The following ARFGEF2 variants were observed in gnomAD, a reference collection of about 807,000 sequenced individuals.
ARFGEF2 encodes the protein brefeldin A-inhibited guanine nucleotide-exchange protein 2.
Under a neutral mutation model 219.9 loss-of-function variants are expected in ARFGEF2, and 74 were observed. The ratio of observed to expected loss-of-function variants is 0.34; its 90% CI spans 0.28 to 0.41. The LOEUF (loss-of-function observed/expected upper bound fraction) is 0.41. Among genes scored for constraint, ARFGEF2 ranks in the 10% least tolerant of loss-of-function variants. The pLI is 1.00. For synonymous variants in ARFGEF2, 733 were observed against 799.2 expected (o/e 0.92, Z 1.40); for missense variants, 1,743 against 2,218.3 (o/e 0.79, Z 4.30).
chr20:48,981,781 G>C (rs974826122), intron 14 of ARFGEF2, among the ~76,000 whole-genome samples: 1 of 152,064 alleles, frequency 6.6e-6, no homozygotes, highest in African/African-American at 2.4e-5. Context: ...ATCTGCTATT[G>C]AAGCTTGTGC....
intron 1 of ARFGEF2, among the ~76,000 whole-genome samples, chr20:48,930,346 G>T (rs1370224057): frequency 6.6e-6 from 1 of 152,244 alleles, no homozygotes; most frequent in Non-Finnish European, 1.5e-5. Flanking sequence ...TTGCAGCAGA[G>T]TTTTGGTAGG....
intron 6 of ARFGEF2, among the ~76,000 whole-genome samples, chr20:48,963,243 T>C (rs7264180): frequency 0.37 from 56,169 of 151,062 alleles, 11,266 homozygotes; most frequent in African/African-American, 0.54. Context: ...ACGTAAGCTC[T>C]TTCCCAGAGC....
At chr20:48,973,468 C>A (rs2091241082) in intron 12 of ARFGEF2, among the ~76,000 whole-genome samples, 184 bp downstream of exon 12, 1 of 152,112 alleles carries the variant, frequency 6.6e-6, no homozygotes, top group Non-Finnish European at 1.5e-5. Flanking sequence ...ATCATAGGGG[C>A]TGCAGAGAAA....
chr20:48,995,980 T>A, intron 23 of ARFGEF2, 98 bp downstream of exon 23: 1 of 1,115,220 alleles, frequency 9.0e-7, no homozygotes, highest in African/African-American at 1.5e-5. Flanking sequence ...CTTTAACTGA[T>A]ACAAGTGTTG....
chr20:49,013,513 C>T (rs765367675), intron 28 of ARFGEF2, 51 bp from the exon 29 acceptor site: 1 of 1,612,902 alleles, frequency 6.2e-7, no homozygotes, highest in East Asian at 2.2e-5. Flanking sequence ...CCTTTCAGTT[C>T]CTTCCTTTTG....
chr20:48,968,146 A>G (rs2091200876), intron 8 of ARFGEF2, among the ~76,000 whole-genome samples: 1 of 151,712 alleles, frequency 6.6e-6, no homozygotes, highest in Admixed American at 6.6e-5. Context: ...GGTGCCCACC[A>G]CCACGCCTGG....
intron 1 of ARFGEF2, among the ~76,000 whole-genome samples, chr20:48,930,272 G>A (rs967678194): frequency 3.9e-5 from 6 of 152,180 alleles, no homozygotes; most frequent in Non-Finnish European, 5.9e-5. Context: ...CATGAGGGCA[G>A]AGCCCTCGTG....
At chr20:49,031,547 AT>A (rs1395939481) in intron 37 of ARFGEF2, among the ~76,000 whole-genome samples, 1 of 152,016 alleles carries the variant, frequency 6.6e-6, no homozygotes. Context: ...TTTTATCTCC[AT>A]TTTATAGCTG....
chr20:48,967,759 C>A (rs928882576), intron 8 of ARFGEF2, among the ~76,000 whole-genome samples: 1 of 152,178 alleles, frequency 6.6e-6, no homozygotes, highest in African/African-American at 2.4e-5. Context: ...TTTTCCCATT[C>A]CCTCATTAAA....
At chr20:48,995,060 A>C (rs1031077491) in intron 22 of ARFGEF2, among the ~76,000 whole-genome samples, 8 of 152,202 alleles carry the variant, frequency 5.3e-5, no homozygotes, top group African/African-American at 1.9e-4. Flanking sequence ...CATGGTAATA[A>C]TAGTAAATAG....
intron 15 of ARFGEF2, 125 bp downstream of exon 15, chr20:48,984,965 A>G (rs1284268299): frequency 6.5e-7 from 1 of 1,530,380 alleles, no homozygotes; most frequent in Non-Finnish European, 8.8e-7. Flanking sequence ...CGGGTTATAC[A>G]TTGTCTATTG....
Position 49,003,996 on chromosome 20 carries a change from A to G in ARFGEF2, c.3433-1074A>G, listed in dbSNP as rs138750326. Among the ~76,000 whole-genome samples the G allele has an allele frequency of 6.9e-3, 1,052 of 152,272 alleles. 14 individuals carry two copies. Among genetic ancestry groups the G allele is most frequent in the African/African-American group, 0.023 (965 of 41,542 alleles). Reference sequence around the variant, plus strand: ...TAAAGGCTTTTGACCCTTCATATATATATATTTGGAGAAAATTAAATAGCA... The same window carrying G: ...TAAAGGCTTTTGACCCTTCATATATGTATATTTGGAGAAAATTAAATAGCA... On this transcript the variant is annotated intron_variant, in intron 25 of 38. Transcript: ENST00000371917.
At chr20:48,974,265 A>G (rs1188000675) in intron 12 of ARFGEF2, among the ~76,000 whole-genome samples, 1 of 151,414 alleles carries the variant, frequency 6.6e-6, no homozygotes, top group African/African-American at 2.4e-5. Flanking sequence ...GGCAGGGATT[A>G]CAGGTGCCTG....
chr20:48,923,212 A>C (rs1032979997), intron 1 of ARFGEF2, among the ~76,000 whole-genome samples: 3 of 152,180 alleles, frequency 2.0e-5, no homozygotes, highest in Non-Finnish European at 4.4e-5. Context: ...CACTGCCCCA[A>C]CGTCTTTGGT....
intron 12 of ARFGEF2, 83 bp from the exon 13 acceptor site, chr20:48,974,683 A>G (rs933371411): frequency 5.7e-6 from 6 of 1,054,774 alleles, no homozygotes; most frequent in East Asian, 2.6e-5. Flanking sequence ...TCTTAGCCTC[A>G]CTGGGGTCCC....
At chr20:48,995,737 C>T in intron 22 of ARFGEF2, 46 bp from the exon 23 acceptor site, 2 of 1,524,370 alleles carry the variant, frequency 1.3e-6, no homozygotes, top group Non-Finnish European at 1.8e-6. Context: ...GTTCTAAATA[C>T]TTGACTGTTT....
chr20:48,997,280 T>TGATC (rs2091397733), intron 23 of ARFGEF2, among the ~76,000 whole-genome samples: 1 of 152,054 alleles, frequency 6.6e-6, no homozygotes, highest in South Asian at 2.1e-4. Flanking sequence ...ATTGATTGAT[T>TGATC]GATTGATTGA....
chr20:48,977,074 C>G (rs2091266845), intron 14 of ARFGEF2, among the ~76,000 whole-genome samples: 1 of 151,874 alleles, frequency 6.6e-6, no homozygotes, highest in Non-Finnish European at 1.5e-5. Context: ...GTTTGCTGCA[C>G]CCATTAACTC....
chr20:48,961,181 A>G (rs896530617), intron 6 of ARFGEF2, among the ~76,000 whole-genome samples: 14 of 151,326 alleles, frequency 9.3e-5, no homozygotes, highest in Non-Finnish European at 1.9e-4. Context: ...AATTTTTTTT[A>G]ACTTTTTGGC....
Sources: gnomAD v4.1 joint callset for allele counts (sites outside exome capture counted in the v4.1 genomes callset) on GRCh38, gnomAD v4.1.1 for gene constraint, MANE v1.5 for transcripts, NCBI Gene and HGNC (gene_info 2026-07-23, HGNC 2026-07-21) for gene names.